PTPRM: variants seen among roughly 807,000 people sequenced by gnomAD.
The protein encoded by PTPRM is protein tyrosine phosphatase receptor type M, also known as receptor-type tyrosine-protein phosphatase mu.
In PTPRM, 47 loss-of-function variants were observed where a neutral mutation model predicts 186.7. That is an observed-to-expected ratio of 0.25 (90% confidence interval 0.20 to 0.32). PTPRM has a LOEUF of 0.32. Ranked by LOEUF, PTPRM falls within the 10% of genes least tolerant of loss-of-function variation. The probability of loss-of-function intolerance (pLI) is 1.00; values close to 1 mark genes in which losing one functional copy is unlikely to be tolerated. For synonymous variants in PTPRM, 668 were observed against 674.9 expected, an observed-to-expected ratio of 0.99 and a Z score of 0.16; for missense variants, 1,494 against 1,865.0, an observed-to-expected ratio of 0.80 and a Z score of 3.66.
rs552779384 is a variant in PTPRM at position 7,642,921 on chromosome 18, G to T, written c.73+75030G>T. Among the ~76,000 whole-genome samples, 80 of 151,436 alleles carry T rather than the reference G, an allele frequency of 5.3e-4. 2 individuals carry two copies. Among genetic ancestry groups the T allele is most frequent in the Admixed American group, 1.4e-3 (21 of 15,182 alleles). ...GTGTTGTTTATCTTTTAATAATGGG[G>T]CATTCATGCATTTTCCATATTTGGG... is the stretch of plus-strand genomic sequence containing the variant. On this transcript the variant is annotated intron_variant, in intron 1 of 32. Coordinates refer to ENST00000580170, the MANE Select transcript of PTPRM (RefSeq NM_001105244.2).
At chr18:8,218,747 A>C (rs2094119177) in intron 14 of PTPRM, among the ~76,000 whole-genome samples, 1 of 152,214 alleles carries the variant, frequency 6.6e-6, no homozygotes, top group African/African-American at 2.4e-5. Context: ...ACTTACACGC[A>C]TACAAAGGAG....
At chr18:8,238,599 A>G (rs2094374528) in intron 14 of PTPRM, among the ~76,000 whole-genome samples, 1 of 144,710 alleles carries the variant, frequency 6.9e-6, no homozygotes, top group African/African-American at 2.6e-5. Context: ...CGCCTCTGCC[A>G]TATCAGAGTC....
At chr18:7,778,911 A>G (rs1227475708) in intron 2 of PTPRM, among the ~76,000 whole-genome samples, 1 of 152,202 alleles carries the variant, frequency 6.6e-6, no homozygotes, top group Non-Finnish European at 1.5e-5. Flanking sequence ...CACATTCTAT[A>G]ATTATCACAT....
intron 1 of PTPRM, among the ~76,000 whole-genome samples, chr18:7,679,527 T>TA (rs1432144775): frequency 6.6e-6 from 1 of 152,030 alleles, no homozygotes. Flanking sequence ...TAGCTGGCTA[T>TA]GGTGGCATGT....
rs112220198 is a variant in PTPRM at position 7,943,702 on chromosome 18, G to A, written c.664-5479G>A. ...AGAAACCTCCCTCATATTTTGCCTC[G>A]TGATCCCCTCCTCACACTTCAGAGC... is the stretch of plus-strand genomic sequence containing the variant. On this transcript the variant is annotated intron_variant, in intron 5 of 32. Coordinates refer to ENST00000580170, the MANE Select transcript of PTPRM (RefSeq NM_001105244.2). 3.8e-3 allele frequency among the ~76,000 whole-genome samples: 571 copies of A among 152,052 alleles called. 1 individual carries two copies. Among genetic ancestry groups the A allele is most frequent in the African/African-American group, 0.013 (531 of 41,472 alleles).
intron 4 of PTPRM, among the ~76,000 whole-genome samples, chr18:7,919,032 G>A (rs2050714887): frequency 6.6e-6 from 1 of 152,110 alleles, no homozygotes; most frequent in Non-Finnish European, 1.5e-5. Flanking sequence ...TTTCCCAGCA[G>A]CAGTTATTGA....
chr18:7,923,646 G>A (rs142277525), intron 4 of PTPRM, among the ~76,000 whole-genome samples: 253 of 152,316 alleles, frequency 1.7e-3, no homozygotes, highest in Non-Finnish European at 2.7e-3. Flanking sequence ...TAGGGCTTCA[G>A]TGGGAAAATG....
intron 2 of PTPRM, among the ~76,000 whole-genome samples, chr18:7,816,394 ACTT>A (rs1168773123): frequency 6.6e-6 from 1 of 152,172 alleles, no homozygotes; most frequent in Non-Finnish European, 1.5e-5. Flanking sequence ...TCCCTCATAT[ACTT>A]GTAAATTGAC....
chr18:8,102,625 C>T (rs1031882107), intron 11 of PTPRM, among the ~76,000 whole-genome samples: 1 of 152,196 alleles, frequency 6.6e-6, no homozygotes, highest in Non-Finnish European at 1.5e-5. Flanking sequence ...TCTAGTTGTT[C>T]TTTCCACCAC....
chr18:7,960,474 TATATATACAC>T lies in PTPRM; in HGVS notation c.1132+5062_1132+5071del, dbSNP rs59028892. Among the ~76,000 whole-genome samples the T allele has an allele frequency of 2.1e-3, 237 of 111,282 alleles. 1 individual carries two copies. Among genetic ancestry groups the T allele is most frequent in the African/African-American group, 8.9e-3 (224 of 25,166 alleles). 73.0% of individuals were successfully genotyped at this position (111,282 alleles called of 152,430 possible). A position where few individuals can be genotyped will look rare whatever the true frequency, so the allele number is the denominator to read the frequency against. Reference sequence around the variant, plus strand: ...ACATATATATATATATATATATATATATATATACACACACACACACACACACACACACACG... The same window carrying T: ...ACATATATATATATATATATATATATACACACACACACACACACACACACG... On this transcript the variant is annotated intron_variant, in intron 7 of 32. Transcript: ENST00000580170.
At chr18:8,023,512 G>A (rs1255749426) in intron 7 of PTPRM, among the ~76,000 whole-genome samples, 1 of 152,068 alleles carries the variant, frequency 6.6e-6, no homozygotes, top group Non-Finnish European at 1.5e-5. Context: ...TTCATAACTT[G>A]GCATAAAGTG....
At chr18:7,633,448 G>A (rs72892149) in intron 1 of PTPRM, among the ~76,000 whole-genome samples, 50 of 152,176 alleles carry the variant, frequency 3.3e-4, no homozygotes, top group Non-Finnish European at 6.3e-4. Context: ...GTCTCCAAAT[G>A]CCTTCCCTTC....
chr18:8,144,535 T>A (rs576085394), intron 14 of PTPRM, among the ~76,000 whole-genome samples: 1 of 152,078 alleles, frequency 6.6e-6, no homozygotes, highest in South Asian at 2.1e-4. Flanking sequence ...GATGGGAGGA[T>A]CACTTTGAGC....
At chr18:7,858,806 G>A (rs891530357) in intron 2 of PTPRM, among the ~76,000 whole-genome samples, 3 of 152,010 alleles carry the variant, frequency 2.0e-5, no homozygotes, top group African/African-American at 4.8e-5. Context: ...CTTTATTTAC[G>A]GAGCACCTAT....
chr18:8,025,036 C>T (rs150593721), intron 7 of PTPRM, among the ~76,000 whole-genome samples: 124 of 152,168 alleles, frequency 8.1e-4, no homozygotes, highest in African/African-American at 1.3e-3. Context: ...CAGAACTATG[C>T]GGTAGAAGTG....
At chr18:7,654,319 A>G (rs2038796917) in intron 1 of PTPRM, among the ~76,000 whole-genome samples, 2 of 152,182 alleles carry the variant, frequency 1.3e-5, no homozygotes, top group African/African-American at 2.4e-5. Context: ...CTTCAGTTTA[A>G]CCCACTTGTG....
At chr18:8,064,431 G>A (rs144562070) in intron 7 of PTPRM, among the ~76,000 whole-genome samples, 3 of 150,750 alleles carry the variant, frequency 2.0e-5, no homozygotes, top group African/African-American at 7.3e-5. Context: ...TGGCCTATTT[G>A]TTAGGAAGAT....
At chr18:8,258,817 A>G (rs1431013659) in intron 19 of PTPRM, among the ~76,000 whole-genome samples, 1 of 152,158 alleles carries the variant, frequency 6.6e-6, no homozygotes, top group Non-Finnish European at 1.5e-5. Flanking sequence ...TCCAATTACT[A>G]GAGCTGAAAC....
At chr18:8,200,065 C>T (rs1484548323) in intron 14 of PTPRM, among the ~76,000 whole-genome samples, 1 of 152,176 alleles carries the variant, frequency 6.6e-6, no homozygotes, top group African/African-American at 2.4e-5. Context: ...AATGACTGGT[C>T]TACAGGCTAC....
Sources: gnomAD v4.1 joint callset for allele counts (sites outside exome capture counted in the v4.1 genomes callset) on GRCh38, gnomAD v4.1.1 for gene constraint, MANE v1.5 for transcripts, NCBI Gene and HGNC (gene_info 2026-07-23, HGNC 2026-07-21) for gene names.